Variants in THADA observed in about 807,000 individuals in gnomAD.
THADA encodes the protein THADA armadillo repeat containing.
A neutral mutation model predicts 219.8 loss-of-function variants in THADA; 213 were observed. That is an observed-to-expected ratio of 0.97 (90% CI 0.87 to 1.09). The LOEUF is 1.09. Among genes scored for constraint, THADA ranks in the 50% least tolerant of loss-of-function variants. THADA has a pLI of 0.00. For synonymous variants in THADA, 1,018 were observed against 828.9 expected, an observed-to-expected ratio of 1.23 and a Z score of -3.92; for missense variants, 2,956 against 2,311.3, an observed-to-expected ratio of 1.28 and a Z score of -5.72.
intron 23 of THADA, among the ~76,000 whole-genome samples, chr2:43,506,115 C>G (rs1004103809): frequency 1.3e-5 from 2 of 152,170 alleles, no homozygotes; most frequent in Admixed American, 1.3e-4. Flanking sequence ...AGAAAATTCT[C>G]TTTACTTAAA....
At chr2:43,386,118 A>G (rs1045428661) in intron 29 of THADA, among the ~76,000 whole-genome samples, 3 of 152,188 alleles carry the variant, frequency 2.0e-5, no homozygotes, top group African/African-American at 7.2e-5. Context: ...TACCAGTTCA[A>G]GACTATAACA....
chr2:43,521,792 C>T (rs771657989), intron 22 of THADA, among the ~76,000 whole-genome samples: 14 of 152,200 alleles, frequency 9.2e-5, no homozygotes, highest in Non-Finnish European at 5.9e-5. Flanking sequence ...GAATAAAACC[C>T]GCAGACTAAA....
At chr2:43,350,409 A>C (rs552070472) in intron 29 of THADA, among the ~76,000 whole-genome samples, 23 of 152,342 alleles carry the variant, frequency 1.5e-4, no homozygotes, top group Non-Finnish European at 2.9e-4. Flanking sequence ...GGCAAGAGAG[A>C]GAAAGGTCTC....
At chr2:43,455,419 A>T (rs1682863383) in intron 26 of THADA, among the ~76,000 whole-genome samples, 1 of 152,002 alleles carries the variant, frequency 6.6e-6, no homozygotes, top group Non-Finnish European at 1.5e-5. Flanking sequence ...TATAAATTTT[A>T]GGTGGCAGCT....
At chr2:43,564,690 G>C (rs1026321369) in intron 15 of THADA, 2 of 152,154 alleles carry the variant, frequency 1.3e-5, no homozygotes, top group African/African-American at 4.8e-5. Flanking sequence ...TGAATAAGGT[G>C]ATCATATTTC....
chr2:43,266,725 G>T (rs1019579942), intron 36 of THADA, among the ~76,000 whole-genome samples: 2 of 152,222 alleles, frequency 1.3e-5, no homozygotes, highest in Non-Finnish European at 1.5e-5. Flanking sequence ...GAGCTAAACA[G>T]TGTGGGTCTG....
chr2:43,577,830 C>T (rs904781095), intron 9 of THADA, among the ~76,000 whole-genome samples: 12 of 151,956 alleles, frequency 7.9e-5, no homozygotes, highest in Non-Finnish European at 1.6e-4. Flanking sequence ...ATAAAGAATA[C>T]ATTTATCAGA....
chr2:43,474,992 G>C (rs186072323), intron 26 of THADA, among the ~76,000 whole-genome samples: 51 of 152,264 alleles, frequency 3.3e-4, no homozygotes, highest in Non-Finnish European at 6.0e-4. Context: ...TTAGAGGACA[G>C]AAAAGAAAGA....
intron 36 of THADA, among the ~76,000 whole-genome samples, chr2:43,261,781 C>T (rs142047589): frequency 0.06 from 9,099 of 152,054 alleles, 369 homozygotes; most frequent in South Asian, 0.18. Context: ...AGATTACAGG[C>T]GCATGCCACC....
At chr2:43,276,304 G>T (rs1168808097) in intron 36 of THADA, among the ~76,000 whole-genome samples, 1 of 152,176 alleles carries the variant, frequency 6.6e-6, no homozygotes, top group Non-Finnish European at 1.5e-5. Context: ...TTTGGACATT[G>T]CAGGGAGAGA....
At chr2:43,502,834 G>A (rs1293206279) in intron 24 of THADA, among the ~76,000 whole-genome samples, 1 of 151,744 alleles carries the variant, frequency 6.6e-6, no homozygotes, top group Non-Finnish European at 1.5e-5. Flanking sequence ...TCAATATCAA[G>A]AAAATATTTT....
At chr2:43,291,295 C>CA (rs1219980615) in intron 34 of THADA, among the ~76,000 whole-genome samples, 1 of 151,058 alleles carries the variant, frequency 6.6e-6, no homozygotes, top group Non-Finnish European at 1.5e-5. Context: ...ACTAAAAATA[C>CA]AAAAAATTAG....
At chr2:43,288,571 A>G (rs1033066423) in intron 34 of THADA, among the ~76,000 whole-genome samples, 3 of 152,248 alleles carry the variant, frequency 2.0e-5, no homozygotes, top group Admixed American at 6.5e-5. Context: ...GAGGTCCAGA[A>G]GGATCCCAAG....
At chr2:43,369,529 C>T (rs1670563194) in intron 29 of THADA, among the ~76,000 whole-genome samples, 2 of 152,280 alleles carry the variant, frequency 1.3e-5, no homozygotes, top group South Asian at 4.1e-4. Context: ...AGGTTTTGTA[C>T]ATTACGTCCC....
chr2:43,306,447 T>C (rs1676874127), intron 31 of THADA, among the ~76,000 whole-genome samples: 1 of 152,208 alleles, frequency 6.6e-6, no homozygotes, highest in African/African-American at 2.4e-5. Flanking sequence ...GTCCATGGGA[T>C]ACTGCAAAAC....
chr2:43,523,255 A>G (rs10182030), intron 22 of THADA, among the ~76,000 whole-genome samples: 3,153 of 152,096 alleles, frequency 0.021, 123 homozygotes, highest in African/African-American at 0.072. Context: ...AGTCCTAGCT[A>G]CTTGGGAGGC....
intron 20 of THADA, among the ~76,000 whole-genome samples, chr2:43,548,906 G>C (rs1017244224): frequency 5.9e-5 from 9 of 152,174 alleles, no homozygotes; most frequent in Non-Finnish European, 1.2e-4. Flanking sequence ...GCACTCCCTA[G>C]TGAGATGAAC....
intron 29 of THADA, chr2:43,372,387 G>A (rs1670907779): frequency 6.6e-6 from 1 of 152,128 alleles, no homozygotes; most frequent in Non-Finnish European, 1.5e-5. Flanking sequence ...ACATGTGTCA[G>A]AATTACACAA....
At chr2:43,456,957 G>C (rs1037104928) in intron 26 of THADA, among the ~76,000 whole-genome samples, 14 of 152,080 alleles carry the variant, frequency 9.2e-5, no homozygotes, top group Middle Eastern at 3.4e-3. Context: ...ATTTAGGTCT[G>C]GCATAAAAAA....
Sources: gnomAD v4.1 joint callset for allele counts (sites outside exome capture counted in the v4.1 genomes callset) on GRCh38, gnomAD v4.1.1 for gene constraint, MANE v1.5 for transcripts, NCBI Gene and HGNC (gene_info 2026-07-23, HGNC 2026-07-21) for gene names.